NEK6: variants seen among roughly 807,000 people sequenced by gnomAD.
NEK6 encodes serine/threonine-protein kinase Nek6.
NEK6 carries 27 observed loss-of-function variants against 43.5 expected under a neutral mutation model. The ratio of observed to expected loss-of-function variants is 0.62; its 90% CI spans 0.46 to 0.86. The LOEUF (loss-of-function observed/expected upper bound fraction) is 0.86, where lower values mean the gene tolerates loss of function less well. NEK6 is among the 40% of genes least tolerant of loss of function. NEK6 has a pLI of 0.00. For missense variants in NEK6, 318 were observed against 414.4 expected (o/e 0.77, Z 2.02); for synonymous variants, 167 against 164.1 (o/e 1.02, Z -0.14).
At chr9:124,281,263 G>A (rs575086029) in intron 1 of NEK6, among the ~76,000 whole-genome samples, 90 of 152,196 alleles carry the variant, frequency 5.9e-4, no homozygotes, top group African/African-American at 2.1e-3. Context: ...TTTCTGAGAG[G>A]GAGACCCCCT....
intron 7 of NEK6, among the ~76,000 whole-genome samples, chr9:124,330,152 C>T (rs1013035040): frequency 3.3e-5 from 5 of 152,204 alleles, no homozygotes; most frequent in Non-Finnish European, 7.3e-5. Flanking sequence ...GTCGGGCTGA[C>T]AGGTGCGGTA....
chr9:124,263,663 C>T (rs537620399), intron 1 of NEK6, among the ~76,000 whole-genome samples: 2 of 152,320 alleles, frequency 1.3e-5, no homozygotes, highest in East Asian at 1.9e-4. Flanking sequence ...CTCCAGTGCC[C>T]CTGCATTGAG....
At chr9:124,327,649 A>AC in intron 7 of NEK6, among the ~76,000 whole-genome samples, 1 of 151,478 alleles carries the variant, frequency 6.6e-6, no homozygotes, top group Non-Finnish European at 1.5e-5. Flanking sequence ...GGCTTCCCAC[A>AC]CCCCCTGATC....
intron 4 of NEK6, among the ~76,000 whole-genome samples, chr9:124,316,063 C>T (rs1833805069): frequency 6.6e-6 from 1 of 152,226 alleles, no homozygotes; most frequent in Non-Finnish European, 1.5e-5. Flanking sequence ...AGCCGCCTTC[C>T]CGAACACGGG....
chr9:124,295,481 A>T (rs1832642053), intron 1 of NEK6, among the ~76,000 whole-genome samples: 4 of 152,192 alleles, frequency 2.6e-5, no homozygotes, highest in Admixed American at 2.6e-4. Flanking sequence ...GCCAGTATTC[A>T]TTCAGTCAGT....
At chr9:124,323,497 G>C (rs1315986624) in intron 5 of NEK6, among the ~76,000 whole-genome samples, 1 of 152,194 alleles carries the variant, frequency 6.6e-6, no homozygotes, top group African/African-American at 2.4e-5. Context: ...TGAGGGCAGG[G>C]ACGGAGGAGG....
chr9:124,269,014 C>T (rs771516171), intron 1 of NEK6, among the ~76,000 whole-genome samples: 2 of 152,180 alleles, frequency 1.3e-5, no homozygotes, highest in African/African-American at 2.4e-5. Flanking sequence ...AGAAGCGTCA[C>T]AGGACACCTG....
intron 7 of NEK6, among the ~76,000 whole-genome samples, chr9:124,331,908 G>T (rs186601728): frequency 1.3e-3 from 193 of 152,350 alleles, no homozygotes; most frequent in African/African-American, 4.2e-3. Flanking sequence ...AGGATGCCTG[G>T]GAATGATCCT....
At chr9:124,290,361 G>T (rs1235187951) in intron 1 of NEK6, among the ~76,000 whole-genome samples, 1 of 152,256 alleles carries the variant, frequency 6.6e-6, no homozygotes, top group African/African-American at 2.4e-5. Context: ...CCTGTGGATG[G>T]CTGGCCTGGG....
At chr9:124,286,245 C>T (rs1052660265) in intron 1 of NEK6, among the ~76,000 whole-genome samples, 2 of 152,190 alleles carry the variant, frequency 1.3e-5, no homozygotes, top group African/African-American at 4.8e-5. Flanking sequence ...TTTCCCCTCT[C>T]TTTCTTTTAA....
chr9:124,302,959 T>C (rs1833068264), intron 2 of NEK6, among the ~76,000 whole-genome samples: 1 of 152,196 alleles, frequency 6.6e-6, no homozygotes, highest in African/African-American at 2.4e-5. Context: ...GTGTACCCAC[T>C]TGGGACGGGG....
intron 1 of NEK6, among the ~76,000 whole-genome samples, chr9:124,260,854 T>C (rs1310204705): frequency 6.6e-6 from 1 of 152,192 alleles, no homozygotes; most frequent in Non-Finnish European, 1.5e-5. Context: ...CCAAAGACCA[T>C]GTGCTAATAC....
chr9:124,340,583 C>A (rs1168060825), intron 8 of NEK6, among the ~76,000 whole-genome samples: 3 of 152,286 alleles, frequency 2.0e-5, no homozygotes, highest in Non-Finnish European at 2.9e-5. Flanking sequence ...GAAACCCCCC[C>A]AGGCTGTTAG....
At chr9:124,344,543 G>A (rs760047526) in intron 8 of NEK6, among the ~76,000 whole-genome samples, 1 of 152,246 alleles carries the variant, frequency 6.6e-6, no homozygotes, top group South Asian at 2.1e-4. Context: ...CAGGCCAGGC[G>A]GTGGGGAGCC....
chr9:124,294,852 G>A (rs1832604265), intron 1 of NEK6, among the ~76,000 whole-genome samples: 1 of 152,228 alleles, frequency 6.6e-6, no homozygotes, highest in East Asian at 1.9e-4. Context: ...CTGGGCTGCA[G>A]GGGAGTGTGG....
intron 3 of NEK6, among the ~76,000 whole-genome samples, chr9:124,313,371 G>A (rs1246013388): frequency 6.6e-6 from 1 of 151,880 alleles, no homozygotes; most frequent in East Asian, 1.9e-4. Context: ...TTTCTCTCTT[G>A]ATCTTGTTTT....
chr9:124,350,894 G>A lies in NEK6; in HGVS notation c.889G>A (p.Gly297Arg), dbSNP rs774178334. 15 of 1,612,200 alleles carry A rather than the reference G, an allele frequency of 9.3e-6. No individual in the cohort carries two copies. Among genetic ancestry groups the A allele is most frequent in the Non-Finnish European group, 1.1e-5 (13 of 1,179,968 alleles). ...CPDPHQRPDI[G>R]YVHQVAKQMH... ...TGACCCCCACCAGAGACCTGACATC[G>A]GATACGTGCACCAGGTGGCCAAGCA... The change falls in exon 10 of 10, where the codon GGA becomes AGA. Residue 297 changes from glycine (G) to arginine (R), a missense_variant. Around this residue, in one of 2 missense-constraint regions of NEK6, gnomAD observed 79 missense variants for 70.0 expected, o/e 1.13. Transcript: ENST00000320246.
At position 124,343,744 on chromosome 9, in the gene NEK6, G is replaced by A. The variant is rs557864508; in HGVS notation, c.718-3965G>A. Among the ~76,000 whole-genome samples the A allele has an allele frequency of 6.6e-6, 1 of 152,272 alleles. No individual in the cohort carries two copies. The highest frequency in any genetic ancestry group is 2.1e-4 in the South Asian group (1 of 4,828). On this transcript the variant is annotated intron_variant, in intron 8 of 9. Transcript: ENST00000320246. This position sits in a 1 kb window ranked among gnomAD's most constrained non-coding sequence, Gnocchi z 5.1. ...AGCCCCCTGCCCTCTCTGGACAACAGCTGAGGATCCTGCACAGGGCACATA... is the reference window on the plus strand; with the variant it reads ...AGCCCCCTGCCCTCTCTGGACAACAACTGAGGATCCTGCACAGGGCACATA...
At chr9:124,350,395 G>C (rs1188784407) in intron 9 of NEK6, among the ~76,000 whole-genome samples, 1 of 141,748 alleles carries the variant, frequency 7.1e-6, no homozygotes, top group Non-Finnish European at 1.6e-5. Context: ...AGGGGCCGGG[G>C]GTGGGCAGAC....
Sources: gnomAD v4.1 joint callset for allele counts (sites outside exome capture counted in the v4.1 genomes callset) on GRCh38, gnomAD v4.1.1 for gene constraint, gnomAD v4.1.1 regional missense constraint, Gnocchi (gnomAD v3.1) non-coding constraint, MANE v1.5 for transcripts, NCBI Gene and HGNC (gene_info 2026-07-23, HGNC 2026-07-21) for gene names.